Variants in ZNF385D observed in about 807,000 individuals in gnomAD.
ZNF385D encodes zinc finger protein 385D.
A neutral mutation model predicts 35.8 loss-of-function variants in ZNF385D; 15 were observed. The observed-to-expected ratio is 0.42, with a 90% confidence interval of 0.28 to 0.64. The LOEUF (loss-of-function observed/expected upper bound fraction) is 0.64. ZNF385D is among the 30% of genes least tolerant of loss of function. The pLI is 0.23. For synonymous variants in ZNF385D, 212 were observed against 186.8 expected (o/e 1.13, Z -1.10); for missense variants, 474 against 494.6 (o/e 0.96, Z 0.39).
At chr3:22,288,951 C>CA (rs2125393909) in intron 2 of ZNF385D, among the ~76,000 whole-genome samples, 1 of 152,118 alleles carries the variant, frequency 6.6e-6, no homozygotes, top group South Asian at 2.1e-4. Flanking sequence ...TTTTAGCGGC[C>CA]ATCTGGAGAC....
intron 2 of ZNF385D, among the ~76,000 whole-genome samples, chr3:21,623,368 A>C (rs2065057520): frequency 6.6e-6 from 1 of 152,092 alleles, no homozygotes; most frequent in African/African-American, 2.4e-5. Context: ...TTTTTTCTGA[A>C]ATGATGGCTC....
intron 4 of ZNF385D, among the ~76,000 whole-genome samples, chr3:21,474,956 C>T (rs958882266): frequency 3.3e-5 from 5 of 151,748 alleles, no homozygotes; most frequent in Non-Finnish European, 5.9e-5. Flanking sequence ...ACAGAAAATA[C>T]AAAATTAAGA....
At chr3:22,181,739 T>C (rs1343277762) in intron 2 of ZNF385D, among the ~76,000 whole-genome samples, 1 of 150,734 alleles carries the variant, frequency 6.6e-6, no homozygotes, top group Non-Finnish European at 1.5e-5. Context: ...GGTGATGGGA[T>C]ATACATCATG....
At chr3:21,778,110 A>G (rs2071358242) in intron 3 of ZNF385D, among the ~76,000 whole-genome samples, 2 of 151,966 alleles carry the variant, frequency 1.3e-5, no homozygotes, top group Non-Finnish European at 2.9e-5. Context: ...AGTTTTAGCA[A>G]CTTACAACAT....
chr3:21,968,393 G>A (rs1028234330), intron 3 of ZNF385D, among the ~76,000 whole-genome samples: 2 of 151,990 alleles, frequency 1.3e-5, no homozygotes, highest in African/African-American at 2.4e-5. Flanking sequence ...CAGAGCCAGT[G>A]GACTTGAGGT....
In ZNF385D at chr3:22,241,129, C is replaced by T. The variant is rs531752765; in HGVS notation, c.107-72094G>A. 2.9e-3 allele frequency among the ~76,000 whole-genome samples: 433 copies of T among 151,192 alleles called. 10 individuals are homozygous for T. Among genetic ancestry groups the T allele is most frequent in the Non-Finnish European group, 1.9e-3 (131 of 67,924 alleles). ...ATCGATAACTAAATCAATAAATTAT[C>T]CTTATTGTATTCTAAGAAACCTTAA... On this transcript the variant is annotated intron_variant, in intron 2 of 5. Coordinates refer to the ZNF385D transcript ENST00000494108.
At chr3:22,178,481 G>A (rs951830601) in intron 2 of ZNF385D, among the ~76,000 whole-genome samples, 2 of 151,978 alleles carry the variant, frequency 1.3e-5, no homozygotes, top group African/African-American at 2.4e-5. Context: ...CTGGATATTA[G>A]CCCTTTGTCA....
intron 1 of ZNF385D, among the ~76,000 whole-genome samples, chr3:21,691,614 T>C (rs1303191463): frequency 2.6e-5 from 4 of 152,186 alleles, no homozygotes; most frequent in Admixed American, 2.6e-4. Flanking sequence ...TCCACCAAGA[T>C]TGTGTGTAGC....
chr3:21,602,562 G>C (rs2064339705), intron 2 of ZNF385D, among the ~76,000 whole-genome samples: 1 of 90,928 alleles, frequency 1.1e-5, no homozygotes, highest in Non-Finnish European at 2.1e-5. Context: ...GTCTTGCTCT[G>C]TCGCCCAGGC....
At chr3:22,081,426 C>G (rs905668017) in intron 3 of ZNF385D, among the ~76,000 whole-genome samples, 1 of 152,156 alleles carries the variant, frequency 6.6e-6, no homozygotes. Flanking sequence ...GTGAAACACA[C>G]ATATACTGTA....
chr3:21,760,847 A>T (rs937041924), intron 3 of ZNF385D, among the ~76,000 whole-genome samples: 1 of 152,212 alleles, frequency 6.6e-6, no homozygotes, highest in African/African-American at 2.4e-5. Context: ...TATTTTTGAA[A>T]GATTGGTTTA....
At chr3:21,471,775 G>C (rs948205159) in intron 4 of ZNF385D, among the ~76,000 whole-genome samples, 1 of 152,070 alleles carries the variant, frequency 6.6e-6, no homozygotes, top group African/African-American at 2.4e-5. Context: ...ATTTCTTTTT[G>C]AGTAGATTTA....
At chr3:22,315,902 G>T (rs1280511495) in intron 2 of ZNF385D, among the ~76,000 whole-genome samples, 3 of 152,186 alleles carry the variant, frequency 2.0e-5, no homozygotes. Flanking sequence ...TATAGGAAGG[G>T]TCTGAATTCT....
At chr3:21,859,864 T>C (rs1392865149) in intron 3 of ZNF385D, among the ~76,000 whole-genome samples, 1 of 150,014 alleles carries the variant, frequency 6.7e-6, no homozygotes, top group East Asian at 2.0e-4. Context: ...ATTCAAAGGC[T>C]CAGATCTTCC....
chr3:22,339,382 T>C (rs895435630), intron 2 of ZNF385D, among the ~76,000 whole-genome samples: 1 of 152,210 alleles, frequency 6.6e-6, no homozygotes. Context: ...TCAGTTCAAC[T>C]AATAGTTATC....
At chr3:21,928,094 T>C (rs191772266) in intron 3 of ZNF385D, among the ~76,000 whole-genome samples, 1 of 151,978 alleles carries the variant, frequency 6.6e-6, no homozygotes, top group Non-Finnish European at 1.5e-5. Context: ...TGTGGTGGTG[T>C]GTGCCTGTAC....
intron 2 of ZNF385D, among the ~76,000 whole-genome samples, chr3:22,266,376 T>C (rs1700896108): frequency 6.6e-6 from 1 of 151,948 alleles, no homozygotes; most frequent in Non-Finnish European, 1.5e-5. Context: ...AATTAACTTA[T>C]TTTGATTTTA....
intron 3 of ZNF385D, among the ~76,000 whole-genome samples, chr3:21,525,275 T>C (rs925326047): frequency 6.6e-6 from 1 of 152,222 alleles, no homozygotes; most frequent in African/African-American, 2.4e-5. Flanking sequence ...CTTAAAGGTA[T>C]ATTCAGTGAT....
At chr3:22,182,285 A>G (rs1165789694) in intron 2 of ZNF385D, among the ~76,000 whole-genome samples, 2 of 150,270 alleles carry the variant, frequency 1.3e-5, no homozygotes, top group African/African-American at 5.0e-5. Context: ...AAAATGTCTT[A>G]AAACAAATTA....
Sources: allele counts gnomAD v4.1 joint callset (sites outside exome capture counted in the v4.1 genomes callset), GRCh38; gene constraint gnomAD v4.1.1; transcripts MANE v1.5; gene names NCBI Gene and HGNC (gene_info 2026-07-23, HGNC 2026-07-21).